EXOC4: variants seen among roughly 807,000 people sequenced by gnomAD.
EXOC4 encodes the protein SEC8-like 1.
Under a neutral mutation model 107.2 loss-of-function variants are expected in EXOC4, and 71 were observed. The ratio of observed to expected loss-of-function variants is 0.66; its 90% CI spans 0.55 to 0.81. The LOEUF is 0.81. Ranked by LOEUF, EXOC4 falls within the 30% of genes least tolerant of loss-of-function variation. The pLI is 0.00. For synonymous variants in EXOC4, 456 were observed against 441.2 expected, an observed-to-expected ratio of 1.03 and a Z score of -0.42; for missense variants, 1,108 against 1,189.6, an observed-to-expected ratio of 0.93 and a Z score of 1.01.
intron 14 of EXOC4, among the ~76,000 whole-genome samples, chr7:133,965,340 C>T (rs1050113936): frequency 6.6e-6 from 1 of 152,158 alleles, no homozygotes; most frequent in Admixed American, 6.5e-5. Flanking sequence ...TTAATTAGAT[C>T]CCATTTGTCA....
At chr7:134,094,380 G>A in the EXOC4 span, among the ~76,000 whole-genome samples, 2 of 152,108 alleles carry the variant, frequency 1.3e-5, no homozygotes, top group East Asian at 3.8e-4. Flanking sequence ...TTGAAACACT[G>A]AACAGACCAA....
chr7:134,004,077 G>GA (rs1283889417), intron 15 of EXOC4, among the ~76,000 whole-genome samples: 1 of 152,124 alleles, frequency 6.6e-6, no homozygotes, highest in East Asian at 1.9e-4. Context: ...GATGTGCTTA[G>GA]AGTGAGATGC....
chr7:133,877,607 A>G (rs888954034), intron 11 of EXOC4, among the ~76,000 whole-genome samples: 1 of 152,162 alleles, frequency 6.6e-6, no homozygotes, highest in Admixed American at 6.5e-5. Context: ...AACATGGACC[A>G]TTCATTGCCC....
chr7:133,471,771 C>G (rs1798885385), intron 7 of EXOC4, among the ~76,000 whole-genome samples: 2 of 151,816 alleles, frequency 1.3e-5, no homozygotes, highest in Non-Finnish European at 2.9e-5. Context: ...GTTGCATGGC[C>G]CTATGGTGGA....
chr7:133,825,177 C>T (rs550308811), intron 11 of EXOC4, among the ~76,000 whole-genome samples: 127 of 149,154 alleles, frequency 8.5e-4, no homozygotes, highest in South Asian at 2.4e-3. Context: ...TAGCAAGCAA[C>T]TGTCTCTAAA....
At chr7:134,060,507 A>G (rs2116625860) in intron 17 of EXOC4, among the ~76,000 whole-genome samples, 1 of 152,336 alleles carries the variant, frequency 6.6e-6, no homozygotes, top group South Asian at 2.1e-4. Context: ...TTGCCCTGGA[A>G]GCCACGGCTG....
chr7:133,702,710 G>A lies in EXOC4; in HGVS notation c.1514+72569G>A, dbSNP rs200730984. On this transcript the variant is annotated intron_variant, in intron 10 of 17. Transcript: ENST00000253861. ...GATCACCTAGGGATGAGGAAGCATT[G>A]TGCTAGGTGGCTTTTAAAAATGCTT... is the stretch of plus-strand genomic sequence containing the variant. 1.8e-4 allele frequency among the ~76,000 whole-genome samples: 27 copies of A among 152,192 alleles called. No homozygotes were observed. The East Asian group carries it at 4.9e-3, about 28-fold the overall frequency.
intron 8 of EXOC4, chr7:133,479,664 C>T (rs1352860105): frequency 5.1e-6 from 1 of 197,794 alleles, no homozygotes; most frequent in Non-Finnish European, 1.1e-5. Context: ...CTGGCAGTCA[C>T]TGGTGACTTC....
chr7:133,812,473 T>C (rs907543505), intron 10 of EXOC4, among the ~76,000 whole-genome samples: 1 of 152,134 alleles, frequency 6.6e-6, no homozygotes, highest in Non-Finnish European at 1.5e-5. Context: ...ACTCTCCTTC[T>C]CTAAGTCCCT....
chr7:133,838,034 G>C (rs1585188078), intron 11 of EXOC4, among the ~76,000 whole-genome samples: 1 of 152,116 alleles, frequency 6.6e-6, no homozygotes, highest in East Asian at 1.9e-4. Context: ...TAGAGATTTA[G>C]AGTGGATTTT....
At chr7:133,482,449 C>A (rs954017710) in intron 9 of EXOC4, among the ~76,000 whole-genome samples, 36 of 152,140 alleles carry the variant, frequency 2.4e-4, no homozygotes, top group Admixed American at 6.6e-4. Flanking sequence ...GTGGCAGATT[C>A]TTTATGCTTG....
intron 10 of EXOC4, among the ~76,000 whole-genome samples, chr7:133,737,851 A>G (rs987015714): frequency 1.3e-5 from 2 of 150,140 alleles, no homozygotes; most frequent in South Asian, 2.1e-4. Context: ...AGTTGGACCC[A>G]TATACTTTTA....
chr7:133,403,135 G>A (rs1424806128), intron 7 of EXOC4, among the ~76,000 whole-genome samples: 15 of 151,906 alleles, frequency 9.9e-5, no homozygotes, highest in Admixed American at 4.6e-4. Flanking sequence ...CACCCGCCTC[G>A]GCCTCCCAAA....
chr7:133,917,728 G>A lies in EXOC4; in HGVS notation c.2017G>A (p.Asp673Asn). The change falls in exon 13 of 18, where the codon GAT (aspartate) becomes AAT (asparagine). Residue 673 changes from aspartate to asparagine, a missense_variant. Physicochemically the swap from Asp to Asn is conservative, Grantham distance 23 (BLOSUM62 1). Coordinates refer to ENST00000253861, the MANE Select transcript of EXOC4 (RefSeq NM_021807.4). ...QLRPKREEEE[D>N]FIRAAFGKES... ...GAGGCCAAAAAGAGAGGAGGAAGAA[G>A]ATTTCATAAGGTAAAAGGTCCATTT... 3.7e-6 allele frequency: 6 copies of A among 1,613,870 alleles called. No homozygotes were observed. The highest frequency in any genetic ancestry group is 5.1e-6 in the Non-Finnish European group (6 of 1,179,864).
At chr7:134,027,112 A>T (rs1306621966) in intron 17 of EXOC4, among the ~76,000 whole-genome samples, 3 of 152,202 alleles carry the variant, frequency 2.0e-5, no homozygotes, top group African/African-American at 7.2e-5. Flanking sequence ...TCCTTTAAAA[A>T]TATATAGTAT....
intron 10 of EXOC4, among the ~76,000 whole-genome samples, chr7:133,812,120 T>G (rs1262018108): frequency 6.6e-6 from 1 of 151,980 alleles, no homozygotes; most frequent in African/African-American, 2.4e-5. Flanking sequence ...GATGATTAGA[T>G]ATGAAAATAA....
intron 9 of EXOC4, among the ~76,000 whole-genome samples, chr7:133,597,374 G>A (rs1585022088): frequency 6.6e-6 from 1 of 152,062 alleles, no homozygotes; most frequent in East Asian, 2.0e-4. Context: ...AACCAACATG[G>A]AGAAACCCCG....
intron 9 of EXOC4, among the ~76,000 whole-genome samples, chr7:133,575,817 T>A (rs761834492): frequency 6.6e-6 from 1 of 152,224 alleles, no homozygotes; most frequent in Non-Finnish European, 1.5e-5. Flanking sequence ...CAGGTTCATC[T>A]TAAATGAACC....
intron 11 of EXOC4, among the ~76,000 whole-genome samples, chr7:133,840,459 A>G (rs548899166): frequency 6.6e-6 from 1 of 151,078 alleles, no homozygotes; most frequent in African/African-American, 2.5e-5. Flanking sequence ...AGCACTTGGG[A>G]TAATGGAAAG....
Sources: allele counts gnomAD v4.1 joint callset (sites outside exome capture counted in the v4.1 genomes callset), GRCh38; gene constraint gnomAD v4.1.1; transcripts MANE v1.5; gene names NCBI Gene and HGNC (gene_info 2026-07-23, HGNC 2026-07-21).